MAP3K9: variants seen among roughly 807,000 people sequenced by gnomAD.
MAP3K9 encodes mitogen-activated protein kinase kinase kinase 9, also known as mixed lineage kinase 1 (tyr and ser/thr specificity).
In MAP3K9, 46 loss-of-function variants were observed where a neutral mutation model predicts 95.8. The ratio of observed to expected loss-of-function variants is 0.48; its 90% CI spans 0.38 to 0.61. MAP3K9 has a LOEUF of 0.61. MAP3K9 is among the 20% of genes least tolerant of loss of function. The probability of loss-of-function intolerance (pLI) is 0.00; values close to 1 mark genes in which losing one functional copy is unlikely to be tolerated. For missense variants in MAP3K9, 1,296 were observed against 1,474.3 expected, an observed-to-expected ratio of 0.88 and a Z score of 1.98; for synonymous variants, 533 against 593.8, an observed-to-expected ratio of 0.90 and a Z score of 1.49.
intron 2 of MAP3K9, among the ~76,000 whole-genome samples, chr14:70,763,687 C>T (rs2054406142): frequency 6.6e-6 from 1 of 151,946 alleles, no homozygotes; most frequent in African/African-American, 2.4e-5. Context: ...TGTGCCACCA[C>T]ACCCAACTAA....
intron 2 of MAP3K9, among the ~76,000 whole-genome samples, chr14:70,775,954 C>T (rs569720286): frequency 3.2e-4 from 49 of 152,134 alleles, no homozygotes; most frequent in African/African-American, 6.7e-4. Context: ...TTTGGGAGGC[C>T]GAGGCGGGTG....
At chr14:70,747,204 T>G (rs999155769) in intron 5 of MAP3K9, among the ~76,000 whole-genome samples, 5 of 152,256 alleles carry the variant, frequency 3.3e-5, no homozygotes, top group Non-Finnish European at 7.3e-5. Context: ...AAATCTCATC[T>G]TGAATTGTAG....
intron 9 of MAP3K9, 63 bp from the exon 10 acceptor site, chr14:70,734,561 C>T: frequency 1.1e-6 from 1 of 926,382 alleles, no homozygotes; most frequent in Non-Finnish European, 1.7e-6. Flanking sequence ...ACCCTCAGCT[C>T]CATGGGTCTA....
intron 2 of MAP3K9, among the ~76,000 whole-genome samples, chr14:70,791,368 G>A (rs1201515297): frequency 2.6e-5 from 4 of 152,186 alleles, no homozygotes; most frequent in Non-Finnish European, 4.4e-5. Context: ...CTGGTGTCCT[G>A]AGCTACTTGC....
At chr14:70,773,180 C>T (rs1566754300) in intron 2 of MAP3K9, among the ~76,000 whole-genome samples, 1 of 152,178 alleles carries the variant, frequency 6.6e-6, no homozygotes. Context: ...ATGCAGAAAG[C>T]AGTAGGTCAT....
intron 2 of MAP3K9, among the ~76,000 whole-genome samples, chr14:70,762,370 T>C (rs2054387983): frequency 6.6e-6 from 1 of 152,044 alleles, no homozygotes. Context: ...ACTATGGGGG[T>C]TTCAATTTCT....
rs1476134955 is a variant in MAP3K9 at position 70,800,665 on chromosome 14, A to T, written c.820+2T>A. ...CCTCCAGCCCCATCTCTTCATACTC[A>T]CTGTTGCTGGACTTAAGGTCGCGGT... On this transcript the variant is annotated splice_donor_variant, in intron 2 of 11. Transcript: ENST00000554752. LOFTEE classifies it high-confidence loss of function. 1.2e-6 allele frequency: 2 copies of T among 1,611,072 alleles called. No individual in the cohort carries two copies. The highest frequency in any genetic ancestry group is 1.7e-6 in the Non-Finnish European group (2 of 1,178,680).
At chr14:70,788,668 G>C (rs549294978) in intron 2 of MAP3K9, among the ~76,000 whole-genome samples, 1 of 152,122 alleles carries the variant, frequency 6.6e-6, no homozygotes, top group Admixed American at 6.5e-5. Context: ...ATGTCTATGC[G>C]GGAAGGAGGT....
intron 2 of MAP3K9, among the ~76,000 whole-genome samples, chr14:70,771,741 T>C: frequency 6.6e-6 from 1 of 151,858 alleles, no homozygotes; most frequent in South Asian, 2.1e-4. Context: ...GGAAAAGGAG[T>C]TAGGTGAAGT....
At chr14:70,766,595 T>C (rs1433083945) in intron 2 of MAP3K9, among the ~76,000 whole-genome samples, 1 of 152,200 alleles carries the variant, frequency 6.6e-6, no homozygotes, top group Admixed American at 6.5e-5. Context: ...TTTATGTCCA[T>C]CACTTTTGTT....
intron 2 of MAP3K9, among the ~76,000 whole-genome samples, chr14:70,770,518 C>A (rs1473557012): frequency 2.0e-5 from 3 of 152,068 alleles, no homozygotes; most frequent in Admixed American, 6.5e-5. Context: ...ATGGACCTAC[C>A]TTTAGCATCG....
chr14:70,776,083 G>T (rs921207742), intron 2 of MAP3K9, among the ~76,000 whole-genome samples: 24 of 152,328 alleles, frequency 1.6e-4, no homozygotes, highest in African/African-American at 5.8e-4. Flanking sequence ...CAGCTTCTCG[G>T]GAGGCTGAGG....
intron 2 of MAP3K9, among the ~76,000 whole-genome samples, chr14:70,780,585 T>C (rs2139824570): frequency 6.6e-6 from 1 of 152,330 alleles, no homozygotes; most frequent in African/African-American, 2.4e-5. Flanking sequence ...CTTGGACACC[T>C]ACAGCCCTTG....
At chr14:70,797,826 GT>G (rs1437078808) in intron 2 of MAP3K9, among the ~76,000 whole-genome samples, 3 of 152,082 alleles carry the variant, frequency 2.0e-5, no homozygotes, top group Non-Finnish European at 4.4e-5. Context: ...CATATTAGAC[GT>G]ATACAATCCT....
chr14:70,772,381 T>G (rs564850491), intron 2 of MAP3K9, among the ~76,000 whole-genome samples: 1 of 149,634 alleles, frequency 6.7e-6, no homozygotes, highest in Non-Finnish European at 1.5e-5. Context: ...ACACCCCTCA[T>G]AGAGAGAGAG....
chr14:70,786,234 ATACT>A (rs1274956754), intron 2 of MAP3K9, among the ~76,000 whole-genome samples: 1 of 152,076 alleles, frequency 6.6e-6, no homozygotes, highest in Non-Finnish European at 1.5e-5. Flanking sequence ...TTTAATCCAA[ATACT>A]TAGTAAGGGT....
In MAP3K9 at chr14:70,744,421, G is replaced by C. The variant is rs191501575; in HGVS notation, c.1327-1830C>G. ...TAATCCAGCTTAAAATGTATCCACTGTACATAAATCATCCTCCAGGTAACA... is the reference window on the plus strand; with the variant it reads ...TAATCCAGCTTAAAATGTATCCACTCTACATAAATCATCCTCCAGGTAACA... On this transcript the variant is annotated intron_variant, in intron 5 of 11. Transcript: ENST00000554752. 1.6e-3 allele frequency among the ~76,000 whole-genome samples: 238 copies of C among 152,250 alleles called. 2 individuals carry two copies. The highest frequency in any genetic ancestry group is 5.6e-3 in the African/African-American group (231 of 41,542).
Position 70,809,126 on chromosome 14 carries a change from C to T in MAP3K9, c.46G>A (p.Ala16Thr), listed in dbSNP as rs1282524072. The T allele has an allele frequency of 7.2e-7, 1 of 1,379,562 alleles. No individual in the cohort carries two copies. Among genetic ancestry groups the T allele is most frequent in the Non-Finnish European group, 9.3e-7 (1 of 1,075,282 alleles). 85.5% of individuals were successfully genotyped at this position (1,379,562 alleles called of 1,614,324 possible). Residue 16 changes from alanine (A) to threonine (T), a missense_variant, in exon 1 of 12, where the codon GCT becomes ACT. Physicochemically the swap from Ala to Thr is moderately conservative, Grantham distance 58. Around this residue, in one of 5 missense-constraint regions of MAP3K9, gnomAD observed 338 missense variants for 363.4 expected, o/e 0.93. Transcript: ENST00000554752. ...ALLGCLASAA[A>T]AAPPGEDGAG... ...CCATCCTCCCCCGGCGGGGCGGCAGCGGCGGCGCTCGCTAGGCAGCCGAGA... is the reference window on the plus strand; with the variant it reads ...CCATCCTCCCCCGGCGGGGCGGCAGTGGCGGCGCTCGCTAGGCAGCCGAGA...
At position 70,730,667 on chromosome 14, in the gene MAP3K9, C is replaced by G. The variant is rs138921681; in HGVS notation, c.3028G>C (p.Val1010Leu). The change falls in exon 12 of 12, where the codon GTG becomes CTG. Residue 1010 changes from valine to leucine, a missense_variant. Val to Leu is a conservative substitution (Grantham distance 32, BLOSUM62 1). This residue lies in a region of MAP3K9 where 433 missense variants were observed against 441.4 expected (regional missense o/e 0.98). Coordinates refer to ENST00000554752, the MANE Select transcript of MAP3K9 (RefSeq NM_001284230.2). ...GTGCTGCGGGCATGGCTGGGGGACA[C>G]AAACCACCAAGGGTCCAGCCGTTGC... Reference protein sequence around the residue: ...NRQRLDPWWFVSPSHARSTSP... With the variant: ...NRQRLDPWWFLSPSHARSTSP... The G allele has an allele frequency of 1.2e-6, 2 of 1,613,700 alleles. No individual in the cohort carries two copies. The highest frequency in any genetic ancestry group is 1.7e-6 in the Non-Finnish European group (2 of 1,180,012).
Sources: allele counts gnomAD v4.1 joint callset (sites outside exome capture counted in the v4.1 genomes callset), GRCh38; gene constraint gnomAD v4.1.1; regional missense constraint gnomAD v4.1.1; transcripts MANE v1.5; gene names NCBI Gene and HGNC (gene_info 2026-07-23, HGNC 2026-07-21).